TCERG1L: variants seen among roughly 807,000 people sequenced by gnomAD.
The protein encoded by TCERG1L is transcription elongation regulator 1-like protein.
Under a neutral mutation model 56.3 loss-of-function variants are expected in TCERG1L, and 37 were observed. That is an observed-to-expected ratio of 0.66 (90% CI 0.51 to 0.87). TCERG1L has a LOEUF of 0.87. Ranked by LOEUF, TCERG1L falls within the 40% of genes least tolerant of loss-of-function variation. The probability of loss-of-function intolerance (pLI) is 0.00; values close to 1 mark genes in which losing one functional copy is unlikely to be tolerated. For synonymous variants in TCERG1L, 324 were observed against 326.3 expected, an observed-to-expected ratio of 0.99 and a Z score of 0.08; for missense variants, 799 against 774.2, an observed-to-expected ratio of 1.03 and a Z score of -0.38.
intron 4 of TCERG1L, among the ~76,000 whole-genome samples, chr10:131,218,172 G>A (rs920905831): frequency 2.6e-5 from 4 of 152,178 alleles, no homozygotes; most frequent in Admixed American, 2.6e-4. Flanking sequence ...GTTTCCTGGT[G>A]CGTGGACTGC....
At chr10:131,281,903 G>A (rs981883578) in intron 3 of TCERG1L, among the ~76,000 whole-genome samples, 5 of 151,974 alleles carry the variant, frequency 3.3e-5, no homozygotes, top group African/African-American at 1.2e-4. Flanking sequence ...TTGGGAGGCC[G>A]AGGCTGGCGG....
Position 131,309,240 on chromosome 10 carries a change from C to T in TCERG1L, c.402G>A (p.Leu134=), listed in dbSNP as rs1846850991. 1 of 1,606,492 alleles carries T rather than the reference C, an allele frequency of 6.2e-7. No homozygotes were observed. The highest frequency in any genetic ancestry group is 1.3e-5 in the African/African-American group (1 of 74,442). Residue 134 remains leucine, a synonymous_variant, in exon 2 of 12, where the codon CTG becomes CTA. Coordinates refer to ENST00000368642, the MANE Select transcript of TCERG1L (RefSeq NM_174937.4). ...GGCAGAGATGTGGGAAGACGGGCAC[C>T]AGCTCCACTGTGGAAGAGGGGGGCA... ...LGLPPSSTVE[L]VPVFPHLCPS... is the part of the protein sequence containing the mutation.
At chr10:131,156,636 C>G (rs540874496) in intron 6 of TCERG1L, among the ~76,000 whole-genome samples, 1 of 152,266 alleles carries the variant, frequency 6.6e-6, no homozygotes, top group Non-Finnish European at 1.5e-5. Context: ...AGTTGAAGAT[C>G]GACCCCTGAC....
intron 4 of TCERG1L, among the ~76,000 whole-genome samples, chr10:131,176,234 A>G (rs1422284072): frequency 4.0e-5 from 6 of 151,882 alleles, no homozygotes. Flanking sequence ...ACACACAGAT[A>G]CCCGTGCACA....
intron 7 of TCERG1L, among the ~76,000 whole-genome samples, chr10:131,136,590 G>A (rs2133406275): frequency 6.6e-6 from 1 of 152,132 alleles, no homozygotes; most frequent in Non-Finnish European, 1.5e-5. Context: ...CCACTTTCCG[G>A]GCTCAAGCAA....
chr10:131,126,955 C>A (rs1001058971), intron 8 of TCERG1L, among the ~76,000 whole-genome samples: 1 of 152,086 alleles, frequency 6.6e-6, no homozygotes, highest in African/African-American at 2.4e-5. Flanking sequence ...GCATAGCTGA[C>A]GAGGCTGATT....
intron 4 of TCERG1L, among the ~76,000 whole-genome samples, chr10:131,217,946 G>T (rs1248723163): frequency 6.6e-6 from 1 of 151,952 alleles, no homozygotes; most frequent in African/African-American, 2.4e-5. Context: ...GGATGGTCTC[G>T]ATCTCCTGAC....
chr10:131,233,077 C>T (rs1845869438), intron 4 of TCERG1L, among the ~76,000 whole-genome samples: 1 of 152,196 alleles, frequency 6.6e-6, no homozygotes, highest in Non-Finnish European at 1.5e-5. Context: ...AACTGTTGGT[C>T]AGACGATGTT....
intron 6 of TCERG1L, among the ~76,000 whole-genome samples, chr10:131,147,108 C>T (rs1305315450): frequency 6.6e-6 from 1 of 152,258 alleles, no homozygotes; most frequent in Middle Eastern, 3.4e-3. Flanking sequence ...AAGCAATGCG[C>T]ACGGCCACAG....
intron 7 of TCERG1L, among the ~76,000 whole-genome samples, chr10:131,140,161 A>C (rs914991889): frequency 6.6e-6 from 1 of 152,216 alleles, no homozygotes; most frequent in Non-Finnish European, 1.5e-5. Context: ...TCTCATACGC[A>C]GAATGCACCC....
intron 4 of TCERG1L, among the ~76,000 whole-genome samples, chr10:131,186,071 C>T (rs1251890870): frequency 6.6e-6 from 1 of 152,112 alleles, no homozygotes; most frequent in Admixed American, 6.5e-5. Context: ...CAGATGAACC[C>T]CGAAGACATT....
chr10:131,183,879 C>T (rs1845208101), intron 4 of TCERG1L, among the ~76,000 whole-genome samples: 1 of 152,230 alleles, frequency 6.6e-6, no homozygotes, highest in African/African-American at 2.4e-5. Context: ...GTGGGTGTGG[C>T]ATGCTGAGCA....
intron 4 of TCERG1L, among the ~76,000 whole-genome samples, chr10:131,206,285 C>T (rs1845525850): frequency 6.6e-6 from 1 of 152,200 alleles, no homozygotes; most frequent in African/African-American, 2.4e-5. Flanking sequence ...TGGGAGTGGA[C>T]TCAGGGCACT....
chr10:131,117,483 G>A (rs775415025), intron 8 of TCERG1L, among the ~76,000 whole-genome samples: 1 of 152,248 alleles, frequency 6.6e-6, no homozygotes, highest in Non-Finnish European at 1.5e-5. Context: ...AGGAGGCTGG[G>A]ACCCCTCCTC....
At chr10:131,270,077 G>T (rs1216464335) in intron 3 of TCERG1L, among the ~76,000 whole-genome samples, 1 of 152,220 alleles carries the variant, frequency 6.6e-6, no homozygotes, top group South Asian at 2.1e-4. Context: ...AAGAAGAGGT[G>T]TGGGTTGCTT....
intron 7 of TCERG1L, among the ~76,000 whole-genome samples, chr10:131,139,471 G>A (rs185348227): frequency 2.5e-4 from 38 of 152,264 alleles, no homozygotes; most frequent in African/African-American, 7.5e-4. Context: ...AACTGGGTGC[G>A]GGAGGCAGGG....
At chr10:131,273,158 C>T (rs928054247) in intron 3 of TCERG1L, among the ~76,000 whole-genome samples, 2 of 152,206 alleles carry the variant, frequency 1.3e-5, no homozygotes, top group Non-Finnish European at 2.9e-5. Context: ...TGGCCTAGGT[C>T]GGGTCCCTGC....
chr10:131,311,653 A>ACGG lies in TCERG1L; in HGVS notation c.-21_-19dup, dbSNP rs973165230. On this transcript the variant is annotated 5_prime_UTR_variant, in exon 1 of 12. Transcript: ENST00000368642. This position sits in a 1 kb window ranked among gnomAD's most constrained non-coding sequence, Gnocchi z 4.0. ...GCCTGCATCCTACATCCCCGCGCTG[A>ACGG]CGGCGGCGGCGGGGGCGGCGGGCGC... The ACGG allele has an allele frequency of 1.9e-6, 2 of 1,074,494 alleles. No homozygotes were observed. The highest frequency in any genetic ancestry group is 2.3e-6 in the Non-Finnish European group (2 of 883,090). 66.6% of individuals were successfully genotyped at this position (1,074,494 alleles called of 1,614,324 possible). A position where few individuals can be genotyped will look rare whatever the true frequency, so the allele number is the denominator to read the frequency against.
At chr10:131,135,425 G>T (rs1845664671) in intron 7 of TCERG1L, among the ~76,000 whole-genome samples, 1 of 152,222 alleles carries the variant, frequency 6.6e-6, no homozygotes, top group Admixed American at 6.5e-5. Flanking sequence ...AAAGACATCA[G>T]TTTCAACAAT....
Sources: gnomAD v4.1 joint callset for allele counts (sites outside exome capture counted in the v4.1 genomes callset) on GRCh38, gnomAD v4.1.1 for gene constraint, Gnocchi (gnomAD v3.1) non-coding constraint, MANE v1.5 for transcripts, NCBI Gene and HGNC (gene_info 2026-07-23, HGNC 2026-07-21) for gene names.